Variants in GNAI3 observed in about 807,000 individuals in gnomAD.
The protein encoded by GNAI3 is guanine nucleotide-binding protein G(i) subunit alpha-3.
GNAI3 carries 12 observed loss-of-function variants against 41.8 expected under a neutral mutation model. The observed-to-expected ratio is 0.29, with a 90% CI of 0.18 to 0.47. GNAI3 has a LOEUF of 0.47. Among genes scored for constraint, GNAI3 ranks in the 20% least tolerant of loss-of-function variants. The pLI, the probability that GNAI3 is intolerant of heterozygous loss-of-function variation, is 1.00. For synonymous variants in GNAI3, 132 were observed against 146.5 expected (o/e 0.90, Z 0.71); for missense variants, 360 against 429.6 (o/e 0.84, Z 1.43).
chr1:109,562,415 G>A (rs985645669), intron 1 of GNAI3, among the ~76,000 whole-genome samples: 4 of 152,100 alleles, frequency 2.6e-5, no homozygotes, highest in Admixed American at 1.3e-4. Context: ...AGTCCCCTGC[G>A]GATACCAAGG....
At chr1:109,578,275 AGCCTGGCCAACATGGC>A (rs1171680351) in intron 3 of GNAI3, among the ~76,000 whole-genome samples, 1 of 152,162 alleles carries the variant, frequency 6.6e-6, no homozygotes, top group Non-Finnish European at 1.5e-5. Context: ...GTTCGAGACC[AGCCTGGCCAACATGGC>A]GAAACCCCTC....
chr1:109,586,343 A>C lies in GNAI3; in HGVS notation c.718A>C (p.Met240Leu). ...CCTTGTTCTGGCTGAGGACGAGGAG[A>C]TGGTATGTTGGAGCTTCTGGTAAAA... ...YDLVLAEDEE[M>L]NRMHESMKLF... The change falls in exon 6 of 9, where the codon ATG (methionine) becomes CTG (leucine). Residue 240 changes from methionine (M) to leucine (L), a missense_variant and splice_region_variant. Coordinates refer to ENST00000369851, the MANE Select transcript of GNAI3 (RefSeq NM_006496.4). The C allele has an allele frequency of 6.2e-7, 1 of 1,611,186 alleles. No homozygotes were observed. Among genetic ancestry groups the C allele is most frequent in the South Asian group, 1.1e-5 (1 of 90,692 alleles).
intron 1 of GNAI3, among the ~76,000 whole-genome samples, chr1:109,553,696 A>G (rs565045713): frequency 1.3e-5 from 2 of 152,232 alleles, no homozygotes; most frequent in South Asian, 4.2e-4. Flanking sequence ...TCTTTTATTT[A>G]AATGCATTAG....
intron 1 of GNAI3, among the ~76,000 whole-genome samples, chr1:109,561,875 A>G (rs897681058): frequency 6.6e-6 from 1 of 152,196 alleles, no homozygotes; most frequent in Non-Finnish European, 1.5e-5. Context: ...AAAGTTAGAT[A>G]GGAACTCTTA....
At chr1:109,557,182 C>A (rs892656726) in intron 1 of GNAI3, among the ~76,000 whole-genome samples, 1 of 152,142 alleles carries the variant, frequency 6.6e-6, no homozygotes, top group Non-Finnish European at 1.5e-5. Flanking sequence ...GTGATCTACC[C>A]GCCTCGACCT....
intron 3 of GNAI3, among the ~76,000 whole-genome samples, chr1:109,574,965 G>C (rs533155686): frequency 1.3e-5 from 2 of 152,336 alleles, no homozygotes; most frequent in Non-Finnish European, 2.9e-5. Context: ...ATAGGAAATT[G>C]TTGAGGGGAA....
rs1649337398 is a variant in GNAI3, at chr1:109,597,503, C to G, written c.*5181C>G. 1 of 150,860 alleles carries G rather than the reference C, an allele frequency of 6.6e-6. No individual in the cohort carries two copies. The highest frequency in any genetic ancestry group is 1.5e-5 in the Non-Finnish European group (1 of 67,760). The allele number at this position is 150,860 out of a possible 1,614,324, so 9.3% of individuals were successfully genotyped here. ...AGTCAACACAAATATTGAAAATAAGCAACTTCAGTGCACAAATAAGCTCAA... is the reference window on the plus strand; with the variant it reads ...AGTCAACACAAATATTGAAAATAAGGAACTTCAGTGCACAAATAAGCTCAA... On this transcript the variant is annotated 3_prime_UTR_variant, in exon 9 of 9. Transcript: ENST00000369851.
chr1:109,587,030 A>C, intron 7 of GNAI3, 148 bp downstream of exon 7: 1 of 605,172 alleles, frequency 1.7e-6, no homozygotes, highest in Non-Finnish European at 2.9e-6. Flanking sequence ...CTGTGATTAA[A>C]AGCCCCTAAG....
chr1:109,557,651 C>T (rs747388331), intron 1 of GNAI3, among the ~76,000 whole-genome samples: 14 of 152,170 alleles, frequency 9.2e-5, no homozygotes, highest in Non-Finnish European at 5.9e-5. Context: ...TGGCCTCCCC[C>T]GAGTCTTCAA....
rs1330837683 is a variant in GNAI3, at chr1:109,593,820, C to G, written c.*1498C>G. 1 of 152,576 alleles carries G rather than the reference C, an allele frequency of 6.6e-6. No individual in the cohort carries two copies. The highest frequency in any genetic ancestry group is 6.5e-5 in the Admixed American group (1 of 15,276). The allele number at this position is 152,576 out of a possible 1,614,324, so 9.5% of individuals were successfully genotyped here. A position where few individuals can be genotyped will look rare whatever the true frequency, so the allele number is the denominator to read the frequency against. On this transcript the variant is annotated 3_prime_UTR_variant, in exon 9 of 9. Coordinates refer to ENST00000369851, the MANE Select transcript of GNAI3 (RefSeq NM_006496.4). ...CAAATGTCATTAAATATTGAATGCTCTATTGGGGGAAGACAAATGAAGAGA... is the reference window on the plus strand; with the variant it reads ...CAAATGTCATTAAATATTGAATGCTGTATTGGGGGAAGACAAATGAAGAGA...
intron 7 of GNAI3, chr1:109,591,403 G>GA (rs1649167226): frequency 1.1e-5 from 6 of 557,654 alleles, no homozygotes; most frequent in Non-Finnish European, 1.9e-5. Flanking sequence ...GTTCATATTG[G>GA]AAAAAGGACA....
Position 109,582,457 on chromosome 1 carries a change from G to C in GNAI3, c.482G>C (p.Arg161Thr). ...SASYYLNDLD[R>T]ISQSNYIPTQ... ...TTTAGTTATCTAAATGATCTGGATA[G>C]AATATCCCAGTCTAACTACATTCCA... is the stretch of plus-strand genomic sequence containing the variant. Residue 161 changes from arginine to threonine, a missense_variant, in exon 5 of 9, where the codon AGA becomes ACA. By Grantham distance (71) the Arg-to-Thr change is moderately conservative. Transcript: ENST00000369851. The C allele has an allele frequency of 6.2e-7, 1 of 1,604,360 alleles. No individual in the cohort carries two copies. The highest frequency in any genetic ancestry group is 1.7e-4 in the Middle Eastern group (1 of 6,042).
intron 1 of GNAI3, among the ~76,000 whole-genome samples, chr1:109,557,183 G>A (rs1242703867): frequency 2.6e-5 from 4 of 152,124 alleles, no homozygotes; most frequent in Admixed American, 6.6e-5. Context: ...TGATCTACCC[G>A]CCTCGACCTC....
rs1197837359 is a variant in GNAI3 at position 109,548,635 on chromosome 1, A to G, written c.-86A>G. ...GAGCTGACGGAGAGGGCCACCGCCC[A>G]GCAATAGACGGTGCCTCAGCCTGCC... is the stretch of plus-strand genomic sequence containing the variant. On this transcript the variant is annotated 5_prime_UTR_variant, in exon 1 of 9. Transcript: ENST00000369851. 2.3e-6 allele frequency: 2 copies of G among 881,202 alleles called. No homozygotes were observed. Among genetic ancestry groups the G allele is most frequent in the East Asian group, 5.1e-5 (2 of 39,548 alleles). 54.6% of individuals were successfully genotyped at this position (881,202 alleles called of 1,614,324 possible).
chr1:109,580,024 C>CG (rs1648847404), intron 4 of GNAI3, among the ~76,000 whole-genome samples: 1 of 152,100 alleles, frequency 6.6e-6, no homozygotes, highest in Non-Finnish European at 1.5e-5. Flanking sequence ...TGTTTTGAGA[C>CG]GGAGTCTCGC....
intron 5 of GNAI3, 87 bp downstream of exon 5, chr1:109,582,652 C>G: frequency 1.1e-6 from 1 of 906,682 alleles, no homozygotes; most frequent in Non-Finnish European, 1.8e-6. Flanking sequence ...TAAAATTTCT[C>G]TGGGCAGTAT....
At chr1:109,581,296 A>G (rs1648883779) in intron 4 of GNAI3, among the ~76,000 whole-genome samples, 1 of 151,632 alleles carries the variant, frequency 6.6e-6, no homozygotes, top group South Asian at 2.1e-4. Flanking sequence ...AAAAAACCCC[A>G]GACCTCCCCA....
In GNAI3 at chr1:109,582,555, C is replaced by CTA; in HGVS notation, c.583_584dup (p.Phe196ThrfsTer7). On this transcript the variant is annotated frameshift_variant, in exon 5 of 9. Transcript: ENST00000369851. LOFTEE classifies it high-confidence loss of function. ...AGAAACACATTTCACCTTCAAAGAC[C>CTA]TATACTTCAAGTAAGTCATTAGCCT... 1 of 1,606,620 alleles carries CTA rather than the reference C, an allele frequency of 6.2e-7. No individual in the cohort carries two copies. The highest frequency in any genetic ancestry group is 2.2e-5 in the East Asian group (1 of 44,830).
chr1:109,568,279 A>G (rs879568727), intron 1 of GNAI3, among the ~76,000 whole-genome samples: 4 of 152,164 alleles, frequency 2.6e-5, no homozygotes, highest in Admixed American at 2.0e-4. Flanking sequence ...TCGCCCCTGT[A>G]ATACCAGCAC....
Sources: gnomAD v4.1 joint callset for allele counts (sites outside exome capture counted in the v4.1 genomes callset) on GRCh38, gnomAD v4.1.1 for gene constraint, MANE v1.5 for transcripts, NCBI Gene and HGNC (gene_info 2026-07-23, HGNC 2026-07-21) for gene names.